Variants in CLEC2B observed in about 807,000 individuals in gnomAD.
CLEC2B encodes C-type lectin domain family 2 member B, also known as C-type (calcium dependent, carbohydrate-recognition domain) lectin, superfamily member 2 (activation-induced).
Under a neutral mutation model 16.2 loss-of-function variants are expected in CLEC2B, and 14 were observed. The observed-to-expected ratio is 0.86, with a 90% CI of 0.57 to 1.35. CLEC2B has a LOEUF of 1.35. Among genes scored for constraint, CLEC2B ranks in the 40% most tolerant of loss-of-function variants. The pLI is 0.00. For synonymous variants in CLEC2B, 42 were observed against 55.8 expected (o/e 0.75, Z 1.10); for missense variants, 166 against 182.3 (o/e 0.91, Z 0.52).
At chr12:9,859,781 G>C (rs1044361272) in intron 2 of CLEC2B, among the ~76,000 whole-genome samples, 1 of 151,696 alleles carries the variant, frequency 6.6e-6, no homozygotes. Context: ...TTATGAAGAC[G>C]TAGGATATAT....
At chr12:9,868,453 TTTAG>T (rs1453618412) in intron 1 of CLEC2B, among the ~76,000 whole-genome samples, 9 of 152,062 alleles carry the variant, frequency 5.9e-5, no homozygotes, top group African/African-American at 2.2e-4. Flanking sequence ...TAGGTTGACA[TTTAG>T]TTAAACGGGA....
chr12:9,866,690 T>A (rs1417619960), intron 1 of CLEC2B, among the ~76,000 whole-genome samples: 3 of 152,134 alleles, frequency 2.0e-5, no homozygotes, highest in Non-Finnish European at 2.9e-5. Flanking sequence ...AAGGAGGTAG[T>A]CAGACCATTT....
chr12:9,856,250 C>T (rs1334730658), intron 3 of CLEC2B, among the ~76,000 whole-genome samples: 1 of 151,844 alleles, frequency 6.6e-6, no homozygotes, highest in Non-Finnish European at 1.5e-5. Context: ...ATTTTATTAA[C>T]ACTCATTATT....
chr12:9,862,803 C>A (rs940599465), intron 1 of CLEC2B, among the ~76,000 whole-genome samples: 10 of 152,196 alleles, frequency 6.6e-5, no homozygotes, highest in African/African-American at 2.4e-4. Context: ...ATTAGACTTC[C>A]ATATCCATGA....
At chr12:9,863,542 T>G (rs1591770074) in intron 1 of CLEC2B, among the ~76,000 whole-genome samples, 1 of 152,264 alleles carries the variant, frequency 6.6e-6, no homozygotes, top group East Asian at 1.9e-4. Flanking sequence ...AACTCACTGG[T>G]CTCTAAAATA....
intron 1 of CLEC2B, among the ~76,000 whole-genome samples, chr12:9,867,500 G>A (rs1007258972): frequency 2.0e-5 from 3 of 151,946 alleles, no homozygotes; most frequent in African/African-American, 2.4e-5. Context: ...TCTTTTCATT[G>A]TTACTGAATT....
rs1867876838 is a variant in CLEC2B, at chr12:9,854,345, C to T, written c.341+36G>A. 10 of 1,435,016 alleles carry T rather than the reference C, an allele frequency of 7.0e-6. No individual in the cohort carries two copies. In the South Asian group the frequency reaches 1.2e-4, roughly 17 times the overall value. 88.9% of individuals were successfully genotyped at this position (1,435,016 alleles called of 1,614,324 possible). A position where few individuals can be genotyped will look rare whatever the true frequency, so the allele number is the denominator to read the frequency against. On this transcript the variant is annotated intron_variant, in intron 4 of 4. Coordinates refer to ENST00000228438, the MANE Select transcript of CLEC2B (RefSeq NM_005127.3). ...TAAGTCCTAGAGAAGGCTGCACTAT[C>T]TAAATTTAAGTGATCCCAGAAAAAA...
At chr12:9,863,888 G>T (rs544550919) in intron 1 of CLEC2B, among the ~76,000 whole-genome samples, 2 of 152,170 alleles carry the variant, frequency 1.3e-5, no homozygotes, top group African/African-American at 4.8e-5. Context: ...CTTATTCAAA[G>T]AAATAATAAC....
intron 1 of CLEC2B, among the ~76,000 whole-genome samples, 181 bp downstream of exon 1, chr12:9,869,019 TGTAAA>T: frequency 6.6e-6 from 1 of 152,132 alleles, no homozygotes; most frequent in Non-Finnish European, 1.5e-5. Context: ...ATTCAAATAA[TGTAAA>T]GTAAGTCTGA....
chr12:9,862,965 G>A (rs1034125540), intron 1 of CLEC2B, among the ~76,000 whole-genome samples: 9 of 152,040 alleles, frequency 5.9e-5, no homozygotes, highest in Non-Finnish European at 1.2e-4. Context: ...GGGAAGCATC[G>A]GGGTGCCTGA....
Position 9,853,169 on chromosome 12 carries a change from G to A in CLEC2B, c.*131C>T. 1.4e-6 allele frequency: 1 copy of A among 697,262 alleles called. No homozygotes were observed. The highest frequency in any genetic ancestry group is 1.8e-5 in the South Asian group (1 of 55,664). 43.2% of individuals were successfully genotyped at this position (697,262 alleles called of 1,614,324 possible). On this transcript the variant is annotated 3_prime_UTR_variant, in exon 5 of 5. Transcript: ENST00000228438. ...CCAATCTTTGAAGTGGCTTTTATGT[G>A]TAGCCTGACACGTAAGCAGAATTAA...
rs540501947 is a variant in CLEC2B, at chr12:9,853,258, A to C, written c.*42T>G. 102 of 1,444,310 alleles carry C rather than the reference A, an allele frequency of 7.1e-5. 1 individual carries two copies. The South Asian group carries it at 1.1e-3, about 15-fold the overall frequency. The allele number at this position is 1,444,310 out of a possible 1,614,324, so 89.5% of individuals were successfully genotyped here. A position where few individuals can be genotyped will look rare whatever the true frequency, so the allele number is the denominator to read the frequency against. Reference sequence around the variant, plus strand: ...AAGTACTTTGCTGGTTTTACACTTAATAATGTTATTTTCTATTTTCCCCAT... The same window carrying C: ...AAGTACTTTGCTGGTTTTACACTTACTAATGTTATTTTCTATTTTCCCCAT... On this transcript the variant is annotated 3_prime_UTR_variant, in exon 5 of 5. Coordinates refer to ENST00000228438, the MANE Select transcript of CLEC2B (RefSeq NM_005127.3).
At position 9,853,044 on chromosome 12, in the gene CLEC2B, G is replaced by T. The variant is rs182560494; in HGVS notation, c.*256C>A. 1.4e-3 allele frequency: 216 copies of T among 149,902 alleles called. 2 individuals are homozygous for T. The highest frequency in any genetic ancestry group is 2.3e-3 in the Non-Finnish European group (190 of 84,340). 9.3% of individuals were successfully genotyped at this position (149,902 alleles called of 1,614,324 possible). On this transcript the variant is annotated 3_prime_UTR_variant, in exon 5 of 5. Coordinates refer to ENST00000228438, the MANE Select transcript of CLEC2B (RefSeq NM_005127.3). The stretch of plus-strand genomic sequence containing the variant: ...CCTTGATCCCCACAATTGTTTTCTG[G>T]TTTACAGTTAAAAAAAGAAAGAAAG...
intron 3 of CLEC2B, 65 bp downstream of exon 3, chr12:9,857,409 T>C: frequency 8.4e-7 from 1 of 1,192,110 alleles, no homozygotes; most frequent in South Asian, 1.3e-5. Flanking sequence ...ATTATAATGG[T>C]GTTTGAATAT....
chr12:9,868,453 T>C (rs1867988595), intron 1 of CLEC2B, among the ~76,000 whole-genome samples: 1 of 152,062 alleles, frequency 6.6e-6, no homozygotes, highest in Admixed American at 6.6e-5. Flanking sequence ...TAGGTTGACA[T>C]TTAGTTAAAC....
At chr12:9,864,888 G>A (rs1867959308) in intron 1 of CLEC2B, among the ~76,000 whole-genome samples, 1 of 152,150 alleles carries the variant, frequency 6.6e-6, no homozygotes, top group Non-Finnish European at 1.5e-5. Flanking sequence ...CCAATTAAAA[G>A]ACATAAAGTG....
intron 3 of CLEC2B, among the ~76,000 whole-genome samples, chr12:9,855,291 GAC>G (rs1867887238): frequency 6.6e-6 from 1 of 152,002 alleles, no homozygotes; most frequent in South Asian, 2.1e-4. Flanking sequence ...TGTGACTTTT[GAC>G]ATTTCAATAC....
chr12:9,866,168 G>A (rs766099673), intron 1 of CLEC2B, among the ~76,000 whole-genome samples: 3 of 151,938 alleles, frequency 2.0e-5, no homozygotes, highest in Non-Finnish European at 4.4e-5. Flanking sequence ...TTTCTGATGA[G>A]GTTTCTTATC....
chr12:9,860,356 A>G (rs1867924277), intron 2 of CLEC2B, among the ~76,000 whole-genome samples: 1 of 151,768 alleles, frequency 6.6e-6, no homozygotes, highest in Non-Finnish European at 1.5e-5. Context: ...GATAATTTTT[A>G]TAGGCCAGCA....
Sources: gnomAD v4.1 joint callset for allele counts (sites outside exome capture counted in the v4.1 genomes callset) on GRCh38, gnomAD v4.1.1 for gene constraint, MANE v1.5 for transcripts, NCBI Gene and HGNC (gene_info 2026-07-23, HGNC 2026-07-21) for gene names.